The following COL25A1 variants were observed in gnomAD, a reference collection of about 807,000 sequenced individuals.
The protein encoded by COL25A1 is collagen type XXV alpha 1 chain, also known as collagen alpha-1(XXV) chain.
COL25A1 carries 103 observed loss-of-function variants against 128.4 expected under a neutral mutation model. That is an observed-to-expected ratio of 0.80 (90% CI 0.68 to 0.94). The LOEUF is 0.94. Among genes scored for constraint, COL25A1 ranks in the 40% least tolerant of loss-of-function variants. The pLI, the probability that COL25A1 is intolerant of heterozygous loss-of-function variation, is 0.00. For missense variants in COL25A1, 745 were observed against 840.0 expected (o/e 0.89, Z 1.40); for synonymous variants, 279 against 277.2 (o/e 1.01, Z -0.06).
At chr4:109,001,424 G>GAGATCCTGTCCGGTAGGCATC (rs1561003582) in intron 6 of COL25A1, among the ~76,000 whole-genome samples, 1 of 18,414 alleles carries the variant, frequency 5.4e-5, no homozygotes, top group Admixed American at 8.7e-4. Flanking sequence ...CAGGTAGGCA[G>GAGATCCTGTCCGGTAGGCATC]TGAGCTAGAG....
intron 16 of COL25A1, among the ~76,000 whole-genome samples, chr4:108,895,529 G>A (rs1326247458): frequency 6.6e-6 from 1 of 152,048 alleles, no homozygotes; most frequent in Non-Finnish European, 1.5e-5. Context: ...AAGAAGAGAG[G>A]AGGCAGAAGA....
intron 24 of COL25A1, among the ~76,000 whole-genome samples, chr4:108,856,196 GT>G: frequency 6.6e-6 from 1 of 152,118 alleles, no homozygotes; most frequent in Non-Finnish European, 1.5e-5. Flanking sequence ...TAGAGAACAG[GT>G]TTAGTTTAGA....
At chr4:109,193,215 T>C (rs550775660) in intron 3 of COL25A1, among the ~76,000 whole-genome samples, 2 of 152,054 alleles carry the variant, frequency 1.3e-5, no homozygotes, top group African/African-American at 2.4e-5. Flanking sequence ...AAGATTTCAA[T>C]TCAAGCAACC....
At chr4:108,944,762 G>C (rs1481096999) in intron 8 of COL25A1, among the ~76,000 whole-genome samples, 1 of 151,826 alleles carries the variant, frequency 6.6e-6, no homozygotes, top group Non-Finnish European at 1.5e-5. Flanking sequence ...GATCTAAAGA[G>C]AGAATTGGAT....
At chr4:108,961,535 A>C (rs1488989695) in intron 8 of COL25A1, among the ~76,000 whole-genome samples, 2 of 141,400 alleles carry the variant, frequency 1.4e-5, no homozygotes, top group Non-Finnish European at 3.2e-5. Flanking sequence ...CAGCATATGC[A>C]ACTTCAAACT....
chr4:109,129,267 T>A (rs1224103450), intron 3 of COL25A1, among the ~76,000 whole-genome samples: 1 of 151,944 alleles, frequency 6.6e-6, no homozygotes, highest in Non-Finnish European at 1.5e-5. Context: ...GTAGGTGGGA[T>A]TACAGGCCTG....
intron 8 of COL25A1, among the ~76,000 whole-genome samples, chr4:108,964,069 T>C (rs1023065456): frequency 6.7e-6 from 1 of 149,848 alleles, no homozygotes; most frequent in East Asian, 1.9e-4. Context: ...ATGTGAATAA[T>C]TTAATTAAAT....
intron 3 of COL25A1, among the ~76,000 whole-genome samples, chr4:109,291,397 A>C (rs932562851): frequency 1.3e-5 from 2 of 152,128 alleles, no homozygotes; most frequent in African/African-American, 2.4e-5. Context: ...TGTGCCATCA[A>C]TTTAAATTTC....
In COL25A1 at chr4:108,964,736, A is replaced by C. The variant is rs115020748; in HGVS notation, c.492+9631T>G. Among the ~76,000 whole-genome samples, 260 of 152,310 alleles carry C rather than the reference A, an allele frequency of 1.7e-3. 2 individuals carry two copies. Among genetic ancestry groups the C allele is most frequent in the African/African-American group, 6.0e-3 (250 of 41,584 alleles). On this transcript the variant is annotated intron_variant, in intron 8 of 37. Transcript: ENST00000399132. ...CAAATTTACAAATATTCCTGGGTTCAATTCAATGCAACAACTTTTTAGTGG... is the reference window on the plus strand; with the variant it reads ...CAAATTTACAAATATTCCTGGGTTCCATTCAATGCAACAACTTTTTAGTGG...
At chr4:109,047,728 CT>C (rs59105153) in intron 5 of COL25A1, among the ~76,000 whole-genome samples, 10,384 of 130,188 alleles carry the variant, frequency 0.08, 452 homozygotes, top group Non-Finnish European at 0.13. Flanking sequence ...TAAGTATACT[CT>C]TTTTTTTTTT....
At chr4:109,205,093 A>T (rs1168622367) in intron 3 of COL25A1, among the ~76,000 whole-genome samples, 1 of 152,206 alleles carries the variant, frequency 6.6e-6, no homozygotes, top group East Asian at 1.9e-4. Context: ...TCATTATCGT[A>T]ATGGTTCAGC....
chr4:109,266,114 T>G (rs1281154824), intron 3 of COL25A1, among the ~76,000 whole-genome samples: 2 of 152,208 alleles, frequency 1.3e-5, no homozygotes, highest in African/African-American at 4.8e-5. Flanking sequence ...AGCTAACTTC[T>G]GCTACTTAAA....
At chr4:109,253,583 A>G (rs1030805327) in intron 3 of COL25A1, among the ~76,000 whole-genome samples, 1 of 152,128 alleles carries the variant, frequency 6.6e-6, no homozygotes, top group African/African-American at 2.4e-5. Flanking sequence ...CGTTTAACCA[A>G]ATATTTGGGT....
chr4:109,087,258 A>C (rs1296820826), intron 3 of COL25A1, among the ~76,000 whole-genome samples: 1 of 152,132 alleles, frequency 6.6e-6, no homozygotes, highest in Non-Finnish European at 1.5e-5. Context: ...AAAAAAATCA[A>C]AACCAAAAAA....
chr4:108,859,762 A>C (rs1255072263), intron 23 of COL25A1, 29 bp from the exon 24 acceptor site: 7 of 1,569,772 alleles, frequency 4.5e-6, no homozygotes, highest in Non-Finnish European at 5.3e-6. Flanking sequence ...AGGGAAAATC[A>C]TGGGTATTAG....
intron 3 of COL25A1, among the ~76,000 whole-genome samples, chr4:109,123,766 G>A (rs982730463): frequency 4.6e-5 from 7 of 152,038 alleles, no homozygotes; most frequent in African/African-American, 1.7e-4. Flanking sequence ...GTTCAATGAG[G>A]TCAGATGTTG....
chr4:109,048,798 G>T (rs1053890193), intron 4 of COL25A1, among the ~76,000 whole-genome samples: 1 of 152,042 alleles, frequency 6.6e-6, no homozygotes, highest in African/African-American at 2.4e-5. Context: ...ATGAAACTTT[G>T]TATAAGCATA....
At chr4:109,268,256 T>C (rs764128507) in intron 3 of COL25A1, among the ~76,000 whole-genome samples, 3 of 152,194 alleles carry the variant, frequency 2.0e-5, no homozygotes, top group Non-Finnish European at 4.4e-5. Context: ...TCCTTTTTCT[T>C]TGTTTTGCTT....
chr4:109,261,865 T>C (rs141637649), intron 3 of COL25A1, among the ~76,000 whole-genome samples: 5,552 of 151,418 alleles, frequency 0.037, 336 homozygotes, highest in African/African-American at 0.13. Context: ...GCCTGGCTAT[T>C]TTTTTGTATT....
Sources: gnomAD v4.1 joint callset for allele counts (sites outside exome capture counted in the v4.1 genomes callset) on GRCh38, gnomAD v4.1.1 for gene constraint, MANE v1.5 for transcripts, NCBI Gene and HGNC (gene_info 2026-07-23, HGNC 2026-07-21) for gene names.